Variants in TEC observed in about 807,000 individuals in gnomAD.
The protein encoded by TEC is tec protein tyrosine kinase.
TEC carries 72 observed loss-of-function variants against 93.0 expected under a neutral mutation model. That is an observed-to-expected ratio of 0.77 (90% confidence interval 0.64 to 0.94). TEC has a LOEUF of 0.94. TEC is among the 40% of genes least tolerant of loss of function. TEC has a pLI of 0.00. For missense variants in TEC, 630 were observed against 757.9 expected (o/e 0.83, Z 1.98); for synonymous variants, 249 against 247.7 (o/e 1.01, Z -0.05).
intron 2 of TEC, among the ~76,000 whole-genome samples, chr4:48,206,777 CAAAAA>C (rs34761710): frequency 5.3e-4 from 47 of 89,194 alleles, no homozygotes; most frequent in African/African-American, 1.7e-3. Flanking sequence ...CTCGTTGCTA[CAAAAA>C]AAAAAAAAAA....
At chr4:48,183,514 CA>C (rs1721679564) in intron 2 of TEC, among the ~76,000 whole-genome samples, 1 of 152,194 alleles carries the variant, frequency 6.6e-6, no homozygotes. Flanking sequence ...GCAAATAGAA[CA>C]AACAAAGGCA....
intron 1 of TEC, among the ~76,000 whole-genome samples, chr4:48,257,532 A>G (rs966122355): frequency 3.9e-5 from 6 of 152,130 alleles, no homozygotes; most frequent in African/African-American, 1.4e-4. Context: ...CTTACCACTT[A>G]CCAAGTGTTA....
chr4:48,205,574 A>G (rs763626675), intron 2 of TEC, among the ~76,000 whole-genome samples: 1 of 152,186 alleles, frequency 6.6e-6, no homozygotes. Flanking sequence ...GCCTATATGC[A>G]TTTTTTAAAA....
intron 1 of TEC, among the ~76,000 whole-genome samples, chr4:48,267,120 A>T (rs992719974): frequency 2.6e-5 from 4 of 152,262 alleles, no homozygotes; most frequent in African/African-American, 9.6e-5. Flanking sequence ...TGTAACTTGG[A>T]TAAAAGTTTA....
chr4:48,170,772 C>G (rs778822880), intron 4 of TEC, among the ~76,000 whole-genome samples: 1 of 152,158 alleles, frequency 6.6e-6, no homozygotes. Context: ...AATCCTGGGC[C>G]GGGTGCAGCG....
intron 7 of TEC, among the ~76,000 whole-genome samples, chr4:48,167,362 C>T (rs777286680): frequency 1.8e-4 from 28 of 151,950 alleles, no homozygotes; most frequent in African/African-American, 3.6e-4. Context: ...CTTCATTATA[C>T]TGTGTATGTG....
At chr4:48,251,625 A>G (rs1266920993) in intron 1 of TEC, among the ~76,000 whole-genome samples, 1 of 152,162 alleles carries the variant, frequency 6.6e-6, no homozygotes, top group African/African-American at 2.4e-5. Flanking sequence ...TCCTTCACAT[A>G]TTATTCATTA....
rs1720128225 is a variant in TEC, at chr4:48,150,847, T to G, written c.872+16A>C. ...AAAAACTCTAAATTATAAAAAAAAA[T>G]GGCAGGATTACTCACCCTCCAAACT... On this transcript the variant is annotated intron_variant, in intron 10 of 17. Coordinates refer to ENST00000381501, the MANE Select transcript of TEC (RefSeq NM_003215.3). The G allele has an allele frequency of 4.0e-6, 6 of 1,490,656 alleles. No homozygotes were observed. The highest frequency in any genetic ancestry group is 5.4e-6 in the Non-Finnish European group (6 of 1,120,190). 92.3% of individuals were successfully genotyped at this position (1,490,656 alleles called of 1,614,324 possible).
At position 48,178,256 on chromosome 4, in the gene TEC, G is replaced by A. The variant is rs148438895; in HGVS notation, c.139-2070C>T. ...ACAAACTTCCCATTCCCTTTGCCTC[G>A]GTGGACTCACTCCCTCTCTGCTTTA... On this transcript the variant is annotated intron_variant, in intron 2 of 17. Coordinates refer to ENST00000381501, the MANE Select transcript of TEC (RefSeq NM_003215.3). Among the ~76,000 whole-genome samples the A allele has an allele frequency of 3.1e-3, 467 of 152,128 alleles. 3 individuals carry two copies. Among genetic ancestry groups the A allele is most frequent in the Admixed American group, 5.6e-3 (86 of 15,268 alleles).
chr4:48,264,641 A>T (rs1303615713), intron 1 of TEC, among the ~76,000 whole-genome samples: 3 of 145,178 alleles, frequency 2.1e-5, no homozygotes, highest in African/African-American at 2.5e-5. Context: ...CATCTTCAGC[A>T]TTTTTTTTTT....
rs115999344 is a variant in TEC, at chr4:48,177,306, A to G, written c.139-1120T>C. ...GATGAATTCCACACAAAAGTTGCATAAAGACTAAGGTTACTTTTTCTTCAT... is the reference window on the plus strand; with the variant it reads ...GATGAATTCCACACAAAAGTTGCATGAAGACTAAGGTTACTTTTTCTTCAT... On this transcript the variant is annotated intron_variant, in intron 2 of 17. Coordinates refer to ENST00000381501, the MANE Select transcript of TEC (RefSeq NM_003215.3). 7.2e-3 allele frequency among the ~76,000 whole-genome samples: 1,096 copies of G among 152,376 alleles called. 15 individuals carry two copies. The highest frequency in any genetic ancestry group is 0.025 in the African/African-American group (1,033 of 41,586).
chr4:48,176,833 G>C (rs1721350611), intron 2 of TEC, among the ~76,000 whole-genome samples: 1 of 152,144 alleles, frequency 6.6e-6, no homozygotes, highest in Non-Finnish European at 1.5e-5. Context: ...TCCCCAAAAA[G>C]AAAGCGTCAA....
At chr4:48,179,511 C>T (rs1721501130) in intron 2 of TEC, among the ~76,000 whole-genome samples, 2 of 150,516 alleles carry the variant, frequency 1.3e-5, no homozygotes, top group South Asian at 2.1e-4. Context: ...GCCTTAGCCC[C>T]CCAAGTAGCT....
intron 2 of TEC, among the ~76,000 whole-genome samples, chr4:48,223,021 C>T (rs1274496935): frequency 1.3e-5 from 2 of 152,082 alleles, no homozygotes; most frequent in African/African-American, 2.4e-5. Context: ...GAACTGGTAA[C>T]AGATCAGATG....
chr4:48,165,389 T>C (rs961223829), intron 7 of TEC, among the ~76,000 whole-genome samples: 5 of 152,254 alleles, frequency 3.3e-5, no homozygotes, highest in African/African-American at 1.2e-4. Context: ...GAGGCAGTTC[T>C]TCTTTAGAGA....
rs34780131 is a variant in TEC at position 48,161,598 on chromosome 4, CTTT to C, written c.737+2101_737+2103del. 3.7e-3 allele frequency among the ~76,000 whole-genome samples: 482 copies of C among 130,092 alleles called. 2 individuals carry two copies. Among genetic ancestry groups the C allele is most frequent in the East Asian group, 6.1e-3 (27 of 4,454 alleles). 85.3% of individuals were successfully genotyped at this position (130,092 alleles called of 152,430 possible). ...CTATTCACTCCACAGCTGCCAGAGGCTTTTTTTTTTTTTTTTTTTAATACTTGA... is the reference window on the plus strand; with the variant it reads ...CTATTCACTCCACAGCTGCCAGAGGCTTTTTTTTTTTTTTTTAATACTTGA... On this transcript the variant is annotated intron_variant, in intron 8 of 17. Coordinates refer to ENST00000381501, the MANE Select transcript of TEC (RefSeq NM_003215.3).
At chr4:48,237,885 G>A (rs1316836927) in intron 1 of TEC, among the ~76,000 whole-genome samples, 1 of 152,106 alleles carries the variant, frequency 6.6e-6, no homozygotes, top group Non-Finnish European at 1.5e-5. Flanking sequence ...GCAATTTTAG[G>A]AAATTTGTGC....
At chr4:48,158,885 T>C (rs1352704205) in intron 8 of TEC, among the ~76,000 whole-genome samples, 1 of 152,124 alleles carries the variant, frequency 6.6e-6, no homozygotes, top group Non-Finnish European at 1.5e-5. Flanking sequence ...GCAAGTTCCC[T>C]GGAAAGGATG....
intron 2 of TEC, 48 bp downstream of exon 2, chr4:48,228,429 T>A: frequency 6.7e-7 from 1 of 1,500,674 alleles, no homozygotes. Flanking sequence ...TATTATAAAA[T>A]CGTTATCTAC....
Sources: gnomAD v4.1 joint callset for allele counts (sites outside exome capture counted in the v4.1 genomes callset) on GRCh38, gnomAD v4.1.1 for gene constraint, MANE v1.5 for transcripts, NCBI Gene and HGNC (gene_info 2026-07-23, HGNC 2026-07-21) for gene names.